The following DOK7 variants were observed in gnomAD, a reference collection of about 807,000 sequenced individuals.
DOK7 encodes protein Dok-7.
A neutral mutation model predicts 30.7 loss-of-function variants in DOK7; 32 were observed. The observed-to-expected ratio is 1.04, with a 90% confidence interval of 0.79 to 1.40. The LOEUF (loss-of-function observed/expected upper bound fraction) is 1.40, where lower values mean the gene tolerates loss of function less well. Ranked by LOEUF, DOK7 falls within the 40% of genes most tolerant of loss-of-function variation. The pLI, the probability that DOK7 is intolerant of heterozygous loss-of-function variation, is 0.00. For synonymous variants in DOK7, 447 were observed against 324.1 expected, an observed-to-expected ratio of 1.38 and a Z score of -4.07; for missense variants, 1,007 against 699.2, an observed-to-expected ratio of 1.44 and a Z score of -4.97.
At chr4:3,481,777 G>C (rs1577160188) in intron 4 of DOK7, among the ~76,000 whole-genome samples, 1 of 152,214 alleles carries the variant, frequency 6.6e-6, no homozygotes, top group African/African-American at 2.4e-5. Context: ...AGAATATTCA[G>C]ATGGAAACCA....
At chr4:3,490,655 T>C (rs114208522) in intron 6 of DOK7, among the ~76,000 whole-genome samples, 29 of 47,046 alleles carry the variant, frequency 6.2e-4, no homozygotes, top group Non-Finnish European at 9.9e-4. Context: ...ATTTCCCTCC[T>C]GCTCATTCAT....
chr4:3,490,023 T>G (rs1302993203), intron 6 of DOK7, among the ~76,000 whole-genome samples: 1 of 134,840 alleles, frequency 7.4e-6, no homozygotes, highest in Non-Finnish European at 1.6e-5. Flanking sequence ...CTCCTGCTCA[T>G]TCATTCCTTC....
exon 7 of DOK7, chr4:3,500,365 T>G (rs1729129522): frequency 6.5e-7 from 1 of 1,535,746 alleles, no homozygotes. Flanking sequence ...CTGCACTACA[T>G]GGGCCTGGAG....
chr4:3,498,638 T>A (rs139995253), downstream of DOK7, among the ~76,000 whole-genome samples: 1,706 of 151,456 alleles, frequency 0.011, 14 homozygotes, highest in Non-Finnish European at 0.018. Context: ...CCACCCCCTC[T>A]TGGCCTAGCC....
chr4:3,484,289 C>T (rs1727617570), intron 4 of DOK7, among the ~76,000 whole-genome samples: 1 of 152,194 alleles, frequency 6.6e-6, no homozygotes, highest in African/African-American at 2.4e-5. Flanking sequence ...AGCGTCGCCA[C>T]GTGTCGGGGC....
chr4:3,470,208 A>G (rs2109329689), intron 2 of DOK7, among the ~76,000 whole-genome samples: 2 of 152,168 alleles, frequency 1.3e-5, no homozygotes, highest in South Asian at 4.2e-4. Flanking sequence ...CATTCAGGTG[A>G]CCTTCCCTGT....
At chr4:3,470,338 C>T (rs1726686234) in intron 2 of DOK7, among the ~76,000 whole-genome samples, 1 of 152,202 alleles carries the variant, frequency 6.6e-6, no homozygotes, top group Non-Finnish European at 1.5e-5. Context: ...ATACAGGTTC[C>T]GGGGTCGGGA....
At position 3,485,589 on chromosome 4, in the gene DOK7, C is replaced by G. The variant is rs370192452; in HGVS notation, c.583C>G (p.Leu195Val). Residue 195 changes from leucine (L) to valine (V), a missense_variant, in exon 5 of 7, where the codon CTG becomes GTG. Transcript: ENST00000340083. The part of the protein sequence containing the change: ...SSAEGEQISF[L>V]FDCIVRGISP... ...GGCCGAGGGGGAGCAGATCAGCTTC[C>G]TGTTCGACTGCATCGTCCGAGGCAT... The G allele has an allele frequency of 1.4e-5, 22 of 1,608,302 alleles. No individual in the cohort carries two copies. In the African/African-American group the frequency reaches 2.5e-4, roughly 19 times the overall value.
chr4:3,495,702 C>T (rs553777336), downstream of DOK7, among the ~76,000 whole-genome samples: 215 of 152,274 alleles, frequency 1.4e-3, no homozygotes, highest in African/African-American at 4.9e-3. Context: ...GTTTTCTTGA[C>T]GGCCCTGGAG....
chr4:3,501,126 C>T (rs1433058721), exon 8 of DOK7: 2 of 428,692 alleles, frequency 4.7e-6, no homozygotes, highest in South Asian at 7.8e-5. Flanking sequence ...TGTGGCATCT[C>T]AGGCAGAGGC....
At chr4:3,498,167 C>A (rs377038720), downstream of DOK7, among the ~76,000 whole-genome samples, 1 of 152,148 alleles carries the variant, frequency 6.6e-6, no homozygotes, top group Non-Finnish European at 1.5e-5. Context: ...AGCCGATTCC[C>A]GGTTGCTGCT....
chr4:3,480,466 G>A (rs1727378332), intron 4 of DOK7, among the ~76,000 whole-genome samples: 1 of 152,134 alleles, frequency 6.6e-6, no homozygotes, highest in African/African-American at 2.4e-5. Context: ...AAATTAGGCA[G>A]GTGTGGTAGC....
chr4:3,492,934 G>T lies in DOK7; in HGVS notation c.948G>T (p.Arg316Ser). 6.4e-7 allele frequency: 1 copy of T among 1,557,550 alleles called. No homozygotes were observed. Among genetic ancestry groups the T allele is most frequent in the South Asian group, 1.2e-5 (1 of 85,642 alleles). The stretch of plus-strand genomic sequence containing the variant: ...GGGAAGCCATGGTGGGTGCCTCAAG[G>T]CCACCCCCCAAGCCGCTGCGTCCGC... ...AAGEAMVGASRPPPKPLRPRQ... is the reference protein window; with the variant it reads ...AAGEAMVGASSPPPKPLRPRQ... The change falls in exon 7 of 7, where the codon AGG becomes AGT. Residue 316 changes from arginine to serine, a missense_variant. Coordinates refer to ENST00000340083, the MANE Select transcript of DOK7 (RefSeq NM_173660.5).
At chr4:3,496,760 C>T (rs1728932776), downstream of DOK7, 3 of 1,524,512 alleles carry the variant, frequency 2.0e-6, no homozygotes, top group South Asian at 1.2e-5. Flanking sequence ...CGGTGGCCCC[C>T]CGGGCACAGG....
Position 3,485,572 on chromosome 4 carries a change from G to T in DOK7, c.566G>T (p.Gly189Val). 1.2e-6 allele frequency: 2 copies of T among 1,607,390 alleles called. No individual in the cohort carries two copies. Among genetic ancestry groups the T allele is most frequent in the Non-Finnish European group, 1.7e-6 (2 of 1,176,566 alleles). ...GTCTTCTTCCTGTCCTCGGCCGAGGGGGAGCAGATCAGCTTCCTGTTCGAC... is the reference window on the plus strand; with the variant it reads ...GTCTTCTTCCTGTCCTCGGCCGAGGTGGAGCAGATCAGCTTCCTGTTCGAC... ...AGVFFLSSAE[G>V]EQISFLFDCI... The change falls in exon 5 of 7, where the codon GGG (glycine) becomes GTG (valine). Residue 189 changes from glycine (G) to valine (V), a missense_variant. Coordinates refer to ENST00000340083, the MANE Select transcript of DOK7 (RefSeq NM_173660.5).
At position 3,485,561 on chromosome 4, in the gene DOK7, C is replaced by G; in HGVS notation, c.555C>G (p.Ser185=). 1 of 1,605,986 alleles carries G rather than the reference C, an allele frequency of 6.2e-7. No homozygotes were observed. ...CAGGGGCTGGCGTCTTCTTCCTGTC[C>G]TCGGCCGAGGGGGAGCAGATCAGCT... ...CGYWAGVFFL[S]SAEGEQISFL... is the part of the protein sequence containing the mutation. The change falls in exon 5 of 7, where the codon TCC becomes TCG. Residue 185 remains serine, a synonymous_variant. Transcript: ENST00000340083.
intron 4 of DOK7, among the ~76,000 whole-genome samples, chr4:3,478,811 AGGC>A (rs1185075369): frequency 6.6e-6 from 1 of 152,164 alleles, no homozygotes; most frequent in Non-Finnish European, 1.5e-5. Flanking sequence ...TCCTGGAGAC[AGGC>A]GTGGCCACCA....
At chr4:3,473,115 G>A (rs1300163792) in intron 2 of DOK7, among the ~76,000 whole-genome samples, 1 of 152,242 alleles carries the variant, frequency 6.6e-6, no homozygotes, top group Non-Finnish European at 1.5e-5. Flanking sequence ...CCTGGGACAG[G>A]GCAAATCCGC....
intron 3 of DOK7, among the ~76,000 whole-genome samples, chr4:3,474,551 G>C (rs1484766451): frequency 1.3e-5 from 2 of 152,208 alleles, no homozygotes; most frequent in East Asian, 3.8e-4. Flanking sequence ...GCCAGGTGCA[G>C]TGGCTCATGC....
Sources: gnomAD v4.1 joint callset for allele counts (sites outside exome capture counted in the v4.1 genomes callset) on GRCh38, gnomAD v4.1.1 for gene constraint, MANE v1.5 for transcripts, NCBI Gene and HGNC (gene_info 2026-07-23, HGNC 2026-07-21) for gene names.